Variants in SLC22A15 observed in about 807,000 individuals in gnomAD.
SLC22A15 encodes flipt 1.
SLC22A15 carries 45 observed loss-of-function variants against 62.7 expected under a neutral mutation model. That is an observed-to-expected ratio of 0.72 (90% CI 0.56 to 0.92). SLC22A15 has a LOEUF of 0.92. Ranked by LOEUF, SLC22A15 falls within the 40% of genes least tolerant of loss-of-function variation. The pLI is 0.00. For synonymous variants in SLC22A15, 264 were observed against 267.0 expected, an observed-to-expected ratio of 0.99 and a Z score of 0.11; for missense variants, 622 against 665.6, an observed-to-expected ratio of 0.93 and a Z score of 0.72.
intron 1 of SLC22A15, among the ~76,000 whole-genome samples, chr1:115,988,549 C>A (rs1654993351): frequency 6.6e-6 from 1 of 151,862 alleles, no homozygotes; most frequent in Non-Finnish European, 1.5e-5. Context: ...TGGGGGGGGA[C>A]TCTCTCTGTC....
intron 5 of SLC22A15, among the ~76,000 whole-genome samples, chr1:116,030,642 A>C (rs866206503): frequency 1.3e-5 from 2 of 152,216 alleles, no homozygotes; most frequent in Non-Finnish European, 2.9e-5. Context: ...TAGTTACATT[A>C]GAAAATAACT....
At chr1:116,037,630 A>G (rs1657667601) in intron 8 of SLC22A15, 1 of 398,304 alleles carries the variant, frequency 2.5e-6, no homozygotes, top group African/African-American at 2.0e-5. Context: ...GGGGTGACTG[A>G]GATGTAGTAT....
chr1:116,065,962 G>A (rs1210115673), intron 10 of SLC22A15, among the ~76,000 whole-genome samples: 1 of 152,118 alleles, frequency 6.6e-6, no homozygotes, highest in Admixed American at 6.6e-5. Flanking sequence ...CCTTAACCAT[G>A]TTCAGTTTAG....
intron 2 of SLC22A15, among the ~76,000 whole-genome samples, chr1:115,995,881 A>C (rs2101112189): frequency 6.6e-6 from 1 of 152,360 alleles, no homozygotes; most frequent in South Asian, 2.1e-4. Flanking sequence ...TGCAAGAAAT[A>C]ATACAGAGAA....
At chr1:116,050,331 T>C (rs987843031) in intron 8 of SLC22A15, among the ~76,000 whole-genome samples, 1 of 152,180 alleles carries the variant, frequency 6.6e-6, no homozygotes, top group Non-Finnish European at 1.5e-5. Context: ...TGAACATAGT[T>C]GCTAAAATCC....
chr1:116,000,928 G>A (rs1343203938), intron 2 of SLC22A15, among the ~76,000 whole-genome samples: 3 of 152,000 alleles, frequency 2.0e-5, no homozygotes, highest in Non-Finnish European at 4.4e-5. Flanking sequence ...CACCATGCCC[G>A]GCCGACCTTC....
In SLC22A15 at chr1:116,029,564, G is replaced by C. The variant is rs146626460; in HGVS notation, c.729-1802G>C. Among the ~76,000 whole-genome samples the C allele has an allele frequency of 7.0e-3, 1,061 of 152,264 alleles. 6 individuals are homozygous for C. The highest frequency in any genetic ancestry group is 0.027 in the Middle Eastern group (8 of 294). ...GGCAACTAGGTGACCCTCTTTAGAA[G>C]CAAGCTTATTGGCCTCTCAAAATGC... On this transcript the variant is annotated intron_variant, in intron 5 of 11. Coordinates refer to ENST00000369503, the MANE Select transcript of SLC22A15 (RefSeq NM_018420.3).
chr1:116,048,758 A>G (rs1217353027), intron 8 of SLC22A15, among the ~76,000 whole-genome samples: 6 of 152,212 alleles, frequency 3.9e-5, no homozygotes, highest in African/African-American at 1.4e-4. Flanking sequence ...TCTCAATACT[A>G]ACATTGAATG....
chr1:115,980,858 G>A (rs746616202), intron 1 of SLC22A15, among the ~76,000 whole-genome samples: 2 of 152,132 alleles, frequency 1.3e-5, no homozygotes. Context: ...TGAAAAGATG[G>A]TAAAGGGAAG....
intron 8 of SLC22A15, among the ~76,000 whole-genome samples, chr1:116,054,503 G>A (rs1344845046): frequency 6.6e-6 from 1 of 152,066 alleles, no homozygotes. Context: ...CAACGAGACA[G>A]AAAGTTAAAC....
intron 1 of SLC22A15, among the ~76,000 whole-genome samples, chr1:115,989,424 A>C (rs1655040081): frequency 1.3e-5 from 2 of 152,070 alleles, no homozygotes; most frequent in South Asian, 4.1e-4. Context: ...AGATTAGAGG[A>C]CCCTTTGGAG....
At chr1:116,046,227 A>G (rs1462416905) in intron 8 of SLC22A15, among the ~76,000 whole-genome samples, 1 of 152,200 alleles carries the variant, frequency 6.6e-6, no homozygotes, top group African/African-American at 2.4e-5. Flanking sequence ...CACCAAAAGC[A>G]CAAAAAGAAA....
rs1178728844 is a variant in SLC22A15, at chr1:116,069,457, T to G, written c.*2349T>G. ...CGGATGGTTTGTAAAAAGTATCCTG[T>G]TTTTTTAATTCTATTCAAAATTAAA... On this transcript the variant is annotated 3_prime_UTR_variant, in exon 12 of 12. Coordinates refer to ENST00000369503, the MANE Select transcript of SLC22A15 (RefSeq NM_018420.3). The G allele has an allele frequency of 6.6e-6, 1 of 152,136 alleles. No individual in the cohort carries two copies. Among genetic ancestry groups the G allele is most frequent in the Non-Finnish European group, 1.5e-5 (1 of 68,020 alleles). The allele number at this position is 152,136 out of a possible 1,614,324, so 9.4% of individuals were successfully genotyped here.
At chr1:116,045,600 G>A (rs979265046) in intron 8 of SLC22A15, among the ~76,000 whole-genome samples, 1 of 151,506 alleles carries the variant, frequency 6.6e-6, no homozygotes, top group Admixed American at 6.6e-5. Context: ...TTAGCTGGGC[G>A]TGGTGGTGCA....
chr1:116,010,073 A>G (rs1031637232), intron 2 of SLC22A15, among the ~76,000 whole-genome samples: 7 of 152,108 alleles, frequency 4.6e-5, no homozygotes, highest in African/African-American at 1.4e-4. Flanking sequence ...GCAAAACTCT[A>G]ATCTAGGAGT....
At chr1:116,054,212 C>G (rs1479323231) in intron 8 of SLC22A15, among the ~76,000 whole-genome samples, 1 of 152,036 alleles carries the variant, frequency 6.6e-6, no homozygotes, top group African/African-American at 2.4e-5. Flanking sequence ...GGAGGAAGAT[C>G]TACCAAGCAA....
intron 3 of SLC22A15, among the ~76,000 whole-genome samples, chr1:116,020,256 A>C (rs190557682): frequency 9.2e-5 from 14 of 151,552 alleles, no homozygotes; most frequent in African/African-American, 2.4e-4. Flanking sequence ...TAAAAAAAAA[A>C]AAAAACACAC....
At position 116,066,864 on chromosome 1, in the gene SLC22A15, T is replaced by C. The variant is rs377728308; in HGVS notation, c.1555-155T>C. 2.6e-5 allele frequency among the ~76,000 whole-genome samples: 4 copies of C among 152,364 alleles called. No individual in the cohort carries two copies. In the East Asian group the frequency reaches 5.8e-4, roughly 22 times the overall value. On this transcript the variant is annotated intron_variant, in intron 11 of 11. Coordinates refer to ENST00000369503, the MANE Select transcript of SLC22A15 (RefSeq NM_018420.3). ...TTTTCAGAGAAATAAGGATGATCGATGATTCATTAGCTTTCCTAGAATATT... is the reference window on the plus strand; with the variant it reads ...TTTTCAGAGAAATAAGGATGATCGACGATTCATTAGCTTTCCTAGAATATT...
At chr1:116,027,478 T>C in intron 5 of SLC22A15, 8 of 440,928 alleles carry the variant, frequency 1.8e-5, no homozygotes, top group South Asian at 1.3e-4. Context: ...GTCTTAGATA[T>C]AGGAGAAATC....
Sources: gnomAD v4.1 joint callset for allele counts (sites outside exome capture counted in the v4.1 genomes callset) on GRCh38, gnomAD v4.1.1 for gene constraint, MANE v1.5 for transcripts, NCBI Gene and HGNC (gene_info 2026-07-23, HGNC 2026-07-21) for gene names.